Variants in RO60 observed in about 807,000 individuals in gnomAD.
RO60 encodes the protein Ro60, Y RNA binding protein.
Under a neutral mutation model 55.3 loss-of-function variants are expected in RO60, and 20 were observed. The ratio of observed to expected loss-of-function variants is 0.36; its 90% confidence interval spans 0.25 to 0.53. The LOEUF (loss-of-function observed/expected upper bound fraction) is 0.53. RO60 is among the 20% of genes least tolerant of loss of function. The probability of loss-of-function intolerance (pLI) is 0.92; values close to 1 mark genes in which losing one functional copy is unlikely to be tolerated. For missense variants in RO60, 558 were observed against 646.6 expected (o/e 0.86, Z 1.49); for synonymous variants, 213 against 213.6 (o/e 1.00, Z 0.02).
chr1:193,082,759 C>A, intron 8 of RO60, 51 bp downstream of exon 8: 29 of 1,340,010 alleles, frequency 2.2e-5, no homozygotes, highest in Non-Finnish European at 2.5e-5. Flanking sequence ...TATTTTAATA[C>A]TTGATTTTTT....
At chr1:193,076,180 T>C in intron 3 of RO60, 140 bp downstream of exon 3, 1 of 575,262 alleles carries the variant, frequency 1.7e-6, no homozygotes, top group Non-Finnish European at 2.8e-6. Context: ...TGATGTCTGT[T>C]TAAAACACCT....
chr1:193,076,916 C>T lies in RO60; in HGVS notation c.952C>T (p.Arg318Cys), dbSNP rs759904140. ...TTTCCTTATACTTTGTTTCTAGGCT[C>T]GTATACATCCATTTCATATTTTGAT... ...LCNEKLLKKA[R>C]IHPFHILIAL... Residue 318 changes from arginine to cysteine, a missense_variant, in exon 5 of 9, where the codon CGT becomes TGT. By Grantham distance (180) the Arg-to-Cys change is radical (BLOSUM62 -3). Transcript: ENST00000400968. The T allele has an allele frequency of 1.4e-5, 22 of 1,608,860 alleles. No individual in the cohort carries two copies. The highest frequency in any genetic ancestry group is 1.7e-5 in the Admixed American group (1 of 59,434).
chr1:193,064,603 T>G (rs1289759403), intron 1 of RO60, among the ~76,000 whole-genome samples: 3 of 152,214 alleles, frequency 2.0e-5, no homozygotes, highest in African/African-American at 7.2e-5. Flanking sequence ...ATTTATATAA[T>G]CAAGTAGGAA....
chr1:193,060,782 C>T (rs1456843732), intron 1 of RO60, among the ~76,000 whole-genome samples: 1 of 152,148 alleles, frequency 6.6e-6, no homozygotes, highest in Non-Finnish European at 1.5e-5. Flanking sequence ...AAACTCTGCC[C>T]TCAACTTGGA....
intron 5 of RO60, among the ~76,000 whole-genome samples, chr1:193,077,900 T>TC (rs1289238100): frequency 2.0e-5 from 3 of 152,124 alleles, no homozygotes; most frequent in African/African-American, 7.2e-5. Flanking sequence ...TCCTCTGTTT[T>TC]CCCCATTAAT....
chr1:193,069,652 A>G lies in RO60; in HGVS notation c.580+18A>G. 6.3e-7 allele frequency: 1 copy of G among 1,582,186 alleles called. No individual in the cohort carries two copies. The highest frequency in any genetic ancestry group is 8.6e-7 in the Non-Finnish European group (1 of 1,157,936). On this transcript the variant is annotated intron_variant, in intron 2 of 8. Transcript: ENST00000400968. ...CAGTGAAGGTAAGCATAAGATCTTC[A>G]TTGGGAAGAAGGGTGGGTAAGGGAT...
At position 193,063,983 on chromosome 1, in the gene RO60, A is replaced by G. The variant is rs547639217; in HGVS notation, c.-22+4207A>G. Among the ~76,000 whole-genome samples, 5 of 152,012 alleles carry G rather than the reference A, an allele frequency of 3.3e-5. 1 individual carries two copies. In the South Asian group the frequency reaches 1.0e-3, roughly 32 times the overall value. On this transcript the variant is annotated intron_variant, in intron 1 of 8. Transcript: ENST00000400968. ...GGCAAGGGAAGGATGCAGAACTTCC[A>G]TGCCATCCTTGTGAAATGTGGGATA...
chr1:193,075,289 CTTTT>C (rs5779659), intron 2 of RO60, among the ~76,000 whole-genome samples: 1 of 135,252 alleles, frequency 7.4e-6, no homozygotes. Context: ...TTACTGTTTC[CTTTT>C]TTTTTTTTTT....
rs751009472 is a variant in RO60, at chr1:193,082,677, A to G, written c.1433A>G (p.His478Arg). The change falls in exon 8 of 9, where the codon CAT becomes CGT. Residue 478 changes from histidine to arginine, a missense_variant. Coordinates refer to ENST00000400968, the MANE Select transcript of RO60 (RefSeq NM_001173524.2). ...AATGAGACCTTTGCTGGAGGTGTCC[A>G]TCCTGCTATTGCTCTGAGGGAGTAT... ...TDNETFAGGV[H>R]PAIALREYRK... 6 of 1,613,600 alleles carry G rather than the reference A, an allele frequency of 3.7e-6. No homozygotes were observed. The highest frequency in any genetic ancestry group is 1.3e-5 in the African/African-American group (1 of 74,878).
At position 193,082,623 on chromosome 1, in the gene RO60, C is replaced by A. The variant is rs181825934; in HGVS notation, c.1379C>A (p.Pro460His). ...PMIWAQKTNT[P>H]ADVFIVFTDN... is the part of the protein sequence containing the mutation. ...ATCTGGGCTCAGAAGACAAACACAC[C>A]TGCTGATGTCTTCATTGTATTCACT... is the stretch of plus-strand genomic sequence containing the variant. The change falls in exon 8 of 9, where the codon CCT becomes CAT. Residue 460 changes from proline to histidine, a missense_variant. Pro to His is a moderately conservative substitution (Grantham distance 77, BLOSUM62 -2). Coordinates refer to ENST00000400968, the MANE Select transcript of RO60 (RefSeq NM_001173524.2). The A allele has an allele frequency of 3.8e-4, 606 of 1,613,842 alleles. 4 individuals are homozygous for A. Among genetic ancestry groups the A allele is most frequent in the Middle Eastern group, 1.2e-3 (7 of 6,058 alleles).
At chr1:193,066,412 A>C (rs1333054890) in intron 1 of RO60, among the ~76,000 whole-genome samples, 1 of 152,180 alleles carries the variant, frequency 6.6e-6, no homozygotes. Context: ...TCCTGATCTC[A>C]CTGTAATCAA....
Position 193,082,726 on chromosome 1 carries a change from A to T in RO60, c.1464+18A>T. On this transcript the variant is annotated intron_variant, in intron 8 of 8. Transcript: ENST00000400968. ...ATCGAAAGGTAAAACAAATTCTAAT[A>T]CGGTTCCTCACCCAAATAATATTAT... 1 of 1,583,014 alleles carries T rather than the reference A, an allele frequency of 6.3e-7. No homozygotes were observed. The highest frequency in any genetic ancestry group is 8.6e-7 in the Non-Finnish European group (1 of 1,165,094).
chr1:193,075,425 G>T (rs201471335), intron 2 of RO60, among the ~76,000 whole-genome samples: 1 of 150,720 alleles, frequency 6.6e-6, no homozygotes, highest in East Asian at 1.9e-4. Context: ...AAAGAGACAA[G>T]TGAATATAAT....
At chr1:193,080,185 A>G (rs1320753577) in intron 5 of RO60, among the ~76,000 whole-genome samples, 1 of 152,104 alleles carries the variant, frequency 6.6e-6, no homozygotes, top group Non-Finnish European at 1.5e-5. Context: ...AATCAGAGAA[A>G]TGCAAATCAA....
chr1:193,089,053 T>C lies in RO60; in HGVS notation c.*4322T>C, dbSNP rs900264825. 23 of 152,154 alleles carry C rather than the reference T, an allele frequency of 1.5e-4. No homozygotes were observed. The highest frequency in any genetic ancestry group is 5.5e-4 in the African/African-American group (23 of 41,450). 9.4% of individuals were successfully genotyped at this position (152,154 alleles called of 1,614,324 possible). A position where few individuals can be genotyped will look rare whatever the true frequency, so the allele number is the denominator to read the frequency against. On this transcript the variant is annotated 3_prime_UTR_variant, in exon 9 of 9. Transcript: ENST00000400968. ...CATATTTTCTTTTTCAACTTAGTAA[T>C]AGGCAGGCTTCTTGGAACAATAAGT...
At chr1:193,080,680 C>T (rs1330842713) in intron 5 of RO60, among the ~76,000 whole-genome samples, 1 of 152,090 alleles carries the variant, frequency 6.6e-6, no homozygotes, top group African/African-American at 2.4e-5. Context: ...ATTATTCAGC[C>T]TTAGAAAAGA....
At position 193,089,353 on chromosome 1, in the gene RO60, A is replaced by G. The variant is rs1674758089; in HGVS notation, c.*4622A>G. 1 of 152,190 alleles carries G rather than the reference A, an allele frequency of 6.6e-6. No individual in the cohort carries two copies. The highest frequency in any genetic ancestry group is 1.5e-5 in the Non-Finnish European group (1 of 68,010). The allele number at this position is 152,190 out of a possible 1,614,324, so 9.4% of individuals were successfully genotyped here. A position where few individuals can be genotyped will look rare whatever the true frequency, so the allele number is the denominator to read the frequency against. On this transcript the variant is annotated 3_prime_UTR_variant, in exon 9 of 9. Coordinates refer to ENST00000400968, the MANE Select transcript of RO60 (RefSeq NM_001173524.2). ...GTTTACTAAATATTTCACTGAGCAT[A>G]TATAGAGATACGTTGCTTGTGGCAT... is the stretch of plus-strand genomic sequence containing the variant.
In RO60 at chr1:193,082,664, G is replaced by A; in HGVS notation, c.1420G>A (p.Ala474Thr). The change falls in exon 8 of 9, where the codon GCT becomes ACT. Residue 474 changes from alanine to threonine, a missense_variant. Ala to Thr is a moderately conservative substitution (Grantham distance 58). Transcript: ENST00000400968. ...FIVFTDNETF[A>T]GGVHPAIALR... The stretch of plus-strand genomic sequence containing the variant: ...TGTATTCACTGATAATGAGACCTTT[G>A]CTGGAGGTGTCCATCCTGCTATTGC... 1.2e-6 allele frequency: 2 copies of A among 1,613,770 alleles called. No homozygotes were observed. Among genetic ancestry groups the A allele is most frequent in the Non-Finnish European group, 1.7e-6 (2 of 1,179,890 alleles).
chr1:193,074,784 T>C (rs2103050011), intron 2 of RO60, among the ~76,000 whole-genome samples: 1 of 152,354 alleles, frequency 6.6e-6, no homozygotes, highest in Non-Finnish European at 1.5e-5. Flanking sequence ...TTGCTTTTGG[T>C]GTTTTAGACA....
Sources: allele counts gnomAD v4.1 joint callset (sites outside exome capture counted in the v4.1 genomes callset), GRCh38; gene constraint gnomAD v4.1.1; transcripts MANE v1.5; gene names NCBI Gene and HGNC (gene_info 2026-07-23, HGNC 2026-07-21).